Variants in CAMKMT observed in about 807,000 individuals in gnomAD.
CAMKMT encodes the protein calmodulin-lysine N-methyltransferase.
CAMKMT carries 53 observed loss-of-function variants against 48.0 expected under a neutral mutation model. The observed-to-expected ratio is 1.10, with a 90% confidence interval of 0.89 to 1.39. The LOEUF (loss-of-function observed/expected upper bound fraction) is 1.39. Ranked by LOEUF, CAMKMT falls within the 40% of genes most tolerant of loss-of-function variation. The pLI, the probability that CAMKMT is intolerant of heterozygous loss-of-function variation, is 0.00. For missense variants in CAMKMT, 428 were observed against 402.7 expected, an observed-to-expected ratio of 1.06 and a Z score of -0.54; for synonymous variants, 165 against 152.3, an observed-to-expected ratio of 1.08 and a Z score of -0.61.
At position 44,715,278 on chromosome 2, in the gene CAMKMT, G is replaced by T; in HGVS notation, c.557-9G>T. The T allele has an allele frequency of 6.2e-7, 1 of 1,605,482 alleles. No homozygotes were observed. The highest frequency in any genetic ancestry group is 8.5e-7 in the Non-Finnish European group (1 of 1,174,386). The stretch of plus-strand genomic sequence containing the variant: ...TCAGTGCAGATGTTTTCTTAACTGT[G>T]TCCTGTAGATGTGCAAGACATCATC... On this transcript the variant is annotated splice_polypyrimidine_tract_variant and intron_variant, in intron 6 of 10. Transcript: ENST00000378494.
intron 3 of CAMKMT, among the ~76,000 whole-genome samples, chr2:44,442,298 A>G (rs563368645): frequency 1.3e-5 from 2 of 152,314 alleles, no homozygotes; most frequent in African/African-American, 4.8e-5. Flanking sequence ...ATCATTTCCC[A>G]TAGAGTTGTG....
intron 3 of CAMKMT, among the ~76,000 whole-genome samples, chr2:44,520,269 A>G (rs114365434): frequency 0.029 from 4,386 of 151,958 alleles, 200 homozygotes; most frequent in African/African-American, 0.1. Context: ...GGGTCTCGCT[A>G]TGTTGCCCAG....
At chr2:44,607,262 C>T (rs1485074724) in intron 3 of CAMKMT, among the ~76,000 whole-genome samples, 1 of 152,168 alleles carries the variant, frequency 6.6e-6, no homozygotes, top group Admixed American at 6.5e-5. Flanking sequence ...AGAACATTTT[C>T]CTCATGTTTT....
chr2:44,431,653 T>C (rs943897184), intron 3 of CAMKMT, among the ~76,000 whole-genome samples: 1 of 152,190 alleles, frequency 6.6e-6, no homozygotes, highest in African/African-American at 2.4e-5. Flanking sequence ...ATATGAAGCT[T>C]CAGTTTCCCA....
chr2:44,395,154 AAGT>A (rs1283293670), intron 3 of CAMKMT: 2 of 346,602 alleles, frequency 5.8e-6, no homozygotes, highest in Non-Finnish European at 1.1e-5. Flanking sequence ...TTATGTTATA[AAGT>A]TAGGGTTTGG....
chr2:44,448,869 C>T (rs1042488507), intron 3 of CAMKMT, among the ~76,000 whole-genome samples: 1 of 152,042 alleles, frequency 6.6e-6, no homozygotes, highest in African/African-American at 2.4e-5. Flanking sequence ...AAACATTGTG[C>T]TAAGTATAAG....
chr2:44,590,368 C>T (rs1670183968), intron 3 of CAMKMT, among the ~76,000 whole-genome samples: 1 of 152,084 alleles, frequency 6.6e-6, no homozygotes, highest in Admixed American at 6.5e-5. Flanking sequence ...TAGAATTCAC[C>T]AGTAAGCCAG....
chr2:44,403,802 A>T (rs912815883), intron 3 of CAMKMT, among the ~76,000 whole-genome samples: 1 of 151,636 alleles, frequency 6.6e-6, no homozygotes, highest in East Asian at 1.9e-4. Flanking sequence ...TAATTAGACT[A>T]CATATGGTTC....
chr2:44,605,909 A>T (rs1671253411), intron 3 of CAMKMT, among the ~76,000 whole-genome samples: 1 of 152,176 alleles, frequency 6.6e-6, no homozygotes, highest in Admixed American at 6.5e-5. Context: ...AAAAGCTCCA[A>T]ATTCTATTGA....
chr2:44,756,741 CAAAAAAAAA>C (rs772893331), intron 9 of CAMKMT, among the ~76,000 whole-genome samples: 2 of 80,280 alleles, frequency 2.5e-5, no homozygotes, highest in Non-Finnish European at 5.2e-5. Context: ...GACTCTGTCT[CAAAAAAAAA>C]AAAAAAGAAA....
intron 3 of CAMKMT, among the ~76,000 whole-genome samples, chr2:44,587,437 TCCCTCC>T (rs373668646): frequency 0.025 from 3,780 of 148,526 alleles, 175 homozygotes; most frequent in African/African-American, 0.09. Flanking sequence ...GCTCTCCCTC[TCCCTCC>T]CCCTCCCCCT....
chr2:44,390,635 C>G (rs1483262926), intron 3 of CAMKMT, among the ~76,000 whole-genome samples: 1 of 151,880 alleles, frequency 6.6e-6, no homozygotes, highest in Non-Finnish European at 1.5e-5. Context: ...CCATTTTGAC[C>G]TCAGTTAATT....
intron 3 of CAMKMT, among the ~76,000 whole-genome samples, chr2:44,505,092 A>T (rs966525577): frequency 6.6e-6 from 1 of 152,170 alleles, no homozygotes; most frequent in African/African-American, 2.4e-5. Context: ...CAAGGATGAT[A>T]CCAAGCCATT....
intron 3 of CAMKMT, among the ~76,000 whole-genome samples, chr2:44,471,266 C>T (rs1668403251): frequency 6.6e-6 from 1 of 152,118 alleles, no homozygotes. Context: ...GCTGGCATTA[C>T]AGGGGTGAGC....
chr2:44,413,567 G>A (rs1217544670), intron 3 of CAMKMT, among the ~76,000 whole-genome samples: 4 of 151,782 alleles, frequency 2.6e-5, no homozygotes, highest in African/African-American at 4.8e-5. Flanking sequence ...CAGGAGAATC[G>A]GTTGAACTGG....
chr2:44,674,343 C>T (rs1675544090), intron 3 of CAMKMT, among the ~76,000 whole-genome samples: 1 of 152,182 alleles, frequency 6.6e-6, no homozygotes, highest in Admixed American at 6.5e-5. Flanking sequence ...AATCTGTTAA[C>T]CCATCTGTCT....
chr2:44,404,215 A>G (rs570261281), intron 3 of CAMKMT, among the ~76,000 whole-genome samples: 1 of 152,236 alleles, frequency 6.6e-6, no homozygotes, highest in East Asian at 1.9e-4. Context: ...TAAGTAAATA[A>G]ATTAGGATAT....
At position 44,724,202 on chromosome 2, in the gene CAMKMT, T is replaced by C. The variant is rs115457528; in HGVS notation, c.623+8849T>C. On this transcript the variant is annotated intron_variant, in intron 7 of 10. Coordinates refer to ENST00000378494, the MANE Select transcript of CAMKMT (RefSeq NM_024766.5). ...AGGAGGATTGCTTGAGGCCAGGAGT[T>C]CAAAGCTGTAGTGTGTCATCATCCT... Among the ~76,000 whole-genome samples the C allele has an allele frequency of 7.9e-3, 1,210 of 152,230 alleles. 19 individuals carry two copies. The highest frequency in any genetic ancestry group is 0.028 in the African/African-American group (1,148 of 41,542).
At chr2:44,611,550 A>G (rs1050817339) in intron 3 of CAMKMT, among the ~76,000 whole-genome samples, 1 of 152,152 alleles carries the variant, frequency 6.6e-6, no homozygotes, top group African/African-American at 2.4e-5. Context: ...CATTATTCCT[A>G]GCAGTTTTAA....
Sources: gnomAD v4.1 joint callset for allele counts (sites outside exome capture counted in the v4.1 genomes callset) on GRCh38, gnomAD v4.1.1 for gene constraint, MANE v1.5 for transcripts, NCBI Gene and HGNC (gene_info 2026-07-23, HGNC 2026-07-21) for gene names.